LRRC7: variants seen among roughly 807,000 people sequenced by gnomAD.
LRRC7 encodes the protein leucine rich repeat containing 7.
A neutral mutation model predicts 175.7 loss-of-function variants in LRRC7; 23 were observed. That is an observed-to-expected ratio of 0.13 (90% CI 0.09 to 0.19). The LOEUF is 0.19. Ranked by LOEUF, LRRC7 falls within the 10% of genes least tolerant of loss-of-function variation. The probability of loss-of-function intolerance (pLI) is 1.00; values close to 1 mark genes in which losing one functional copy is unlikely to be tolerated. For missense variants in LRRC7, 1,354 were observed against 1,904.7 expected (o/e 0.71, Z 5.38); for synonymous variants, 685 against 680.9 (o/e 1.01, Z -0.09).
At chr1:69,702,608 A>G (rs1314014279) in intron 2 of LRRC7, among the ~76,000 whole-genome samples, 2 of 152,156 alleles carry the variant, frequency 1.3e-5, no homozygotes, top group African/African-American at 4.8e-5. Flanking sequence ...CATTAAGACT[A>G]ACTTTTTAAT....
At chr1:69,630,991 T>C (rs575474964) in intron 1 of LRRC7, among the ~76,000 whole-genome samples, 11 of 152,256 alleles carry the variant, frequency 7.2e-5, no homozygotes, top group African/African-American at 2.6e-4. Context: ...TTTGAGGAAA[T>C]TGTGTACATT....
chr1:69,817,721 G>A (rs1031849878), intron 4 of LRRC7, among the ~76,000 whole-genome samples: 5 of 152,084 alleles, frequency 3.3e-5, no homozygotes, highest in African/African-American at 9.7e-5. Flanking sequence ...ACTTTGGGTA[G>A]TGTGGAATTT....
chr1:69,612,417 A>T (rs993321096), intron 1 of LRRC7, among the ~76,000 whole-genome samples: 12 of 152,200 alleles, frequency 7.9e-5, no homozygotes, highest in African/African-American at 2.9e-4. Context: ...AAAGACAATT[A>T]GGTTACTGGA....
intron 1 of LRRC7, among the ~76,000 whole-genome samples, chr1:69,639,294 G>A (rs1653849814): frequency 6.6e-6 from 1 of 151,638 alleles, no homozygotes; most frequent in Non-Finnish European, 1.5e-5. Context: ...GTATTGTTCT[G>A]TCATGACTCA....
At chr1:69,661,515 TA>T (rs1657471568) in intron 1 of LRRC7, among the ~76,000 whole-genome samples, 1 of 152,190 alleles carries the variant, frequency 6.6e-6, no homozygotes, top group South Asian at 2.1e-4. Flanking sequence ...TCATTTATTT[TA>T]AAAAATGCTG....
At chr1:70,064,648 G>A (rs1661834954) in intron 23 of LRRC7, among the ~76,000 whole-genome samples, 1 of 151,612 alleles carries the variant, frequency 6.6e-6, no homozygotes, top group African/African-American at 2.4e-5. Flanking sequence ...TTTTGTTGTT[G>A]TTGTTGTTGT....
chr1:70,116,451 G>A lies in LRRC7; in HGVS notation c.4621-5329G>A, dbSNP rs574745005. The stretch of plus-strand genomic sequence containing the variant: ...AGTCCCAGCTACTCGGGAGGCTGAG[G>A]CGGGAGAATGGCGTGAGCCCGGGAG... On this transcript the variant is annotated intron_variant, in intron 26 of 26. Coordinates refer to ENST00000651989, the MANE Select transcript of LRRC7 (RefSeq NM_001370785.2). 2.0e-5 allele frequency among the ~76,000 whole-genome samples: 3 copies of A among 152,140 alleles called. No homozygotes were observed. The East Asian group carries it at 5.8e-4, about 30-fold the overall frequency.
Position 69,683,012 on chromosome 1 carries a change from C to T in LRRC7, c.100+4534C>T, listed in dbSNP as rs990658882. On this transcript the variant is annotated intron_variant, in intron 2 of 26. Coordinates refer to ENST00000651989, the MANE Select transcript of LRRC7 (RefSeq NM_001370785.2). ...CACAAATTGATGTCTCTAGACCAAACGTCTCTCTGTTCATCCCAATGTGCA... is the reference window on the plus strand; with the variant it reads ...CACAAATTGATGTCTCTAGACCAAATGTCTCTCTGTTCATCCCAATGTGCA... Among the ~76,000 whole-genome samples the T allele has an allele frequency of 3.9e-5, 6 of 152,136 alleles. No individual in the cohort carries two copies. The South Asian group carries it at 8.3e-4, about 21-fold the overall frequency.
intron 9 of LRRC7, among the ~76,000 whole-genome samples, chr1:69,981,206 T>G (rs1653393915): frequency 6.6e-6 from 1 of 152,140 alleles, no homozygotes; most frequent in South Asian, 2.1e-4. Context: ...CTGGCATTGG[T>G]CTAAGTAGCC....
chr1:69,633,039 T>G (rs187604131), intron 1 of LRRC7, among the ~76,000 whole-genome samples: 2 of 152,178 alleles, frequency 1.3e-5, no homozygotes, highest in Admixed American at 6.5e-5. Context: ...GAAAACTTGT[T>G]AAGTCTTTCT....
chr1:69,914,117 G>A (rs972509517), intron 7 of LRRC7, among the ~76,000 whole-genome samples: 5 of 152,230 alleles, frequency 3.3e-5, no homozygotes, highest in African/African-American at 1.2e-4. Flanking sequence ...GCCATGAATA[G>A]CCAGTAATTG....
At chr1:69,785,899 T>A (rs1674356558) in intron 3 of LRRC7, among the ~76,000 whole-genome samples, 1 of 152,148 alleles carries the variant, frequency 6.6e-6, no homozygotes, top group African/African-American at 2.4e-5. Flanking sequence ...AAAAAGACCT[T>A]CTTACCGTGT....
chr1:70,030,376 T>G (rs1327627552), intron 18 of LRRC7, among the ~76,000 whole-genome samples: 1 of 152,190 alleles, frequency 6.6e-6, no homozygotes, highest in Non-Finnish European at 1.5e-5. Context: ...CACTGGTAAT[T>G]TCAATACTTT....
intron 7 of LRRC7, among the ~76,000 whole-genome samples, chr1:69,855,823 A>C (rs548172638): frequency 2.2e-4 from 33 of 152,278 alleles, no homozygotes; most frequent in Non-Finnish European, 3.8e-4. Context: ...TATTGGGTGC[A>C]TACATGTTTA....
intron 3 of LRRC7, among the ~76,000 whole-genome samples, chr1:69,766,377 C>G (rs1044403094): frequency 6.6e-6 from 1 of 152,078 alleles, no homozygotes; most frequent in Non-Finnish European, 1.5e-5. Context: ...TAGATATTTT[C>G]AATCCTCTAA....
At chr1:69,589,045 T>C (rs2100947759) in intron 1 of LRRC7, among the ~76,000 whole-genome samples, 1 of 147,500 alleles carries the variant, frequency 6.8e-6, no homozygotes, top group East Asian at 2.0e-4. Flanking sequence ...AATATACATT[T>C]TTAGTTCAAT....
At chr1:69,782,503 T>G (rs1673881672) in intron 3 of LRRC7, among the ~76,000 whole-genome samples, 1 of 152,074 alleles carries the variant, frequency 6.6e-6, no homozygotes, top group South Asian at 2.1e-4. Context: ...AGCTGGAGAC[T>G]GGTATTTGTA....
At position 69,778,933 on chromosome 1, in the gene LRRC7, T is replaced by C. The variant is rs180969624; in HGVS notation, c.304-13110T>C. On this transcript the variant is annotated intron_variant, in intron 3 of 26. Transcript: ENST00000651989. ...ACACACATACACACACACACTCATA[T>C]ATATACACATATATACACACACACA... Among the ~76,000 whole-genome samples, 215 of 143,840 alleles carry C rather than the reference T, an allele frequency of 1.5e-3. 3 individuals carry two copies. The highest frequency in any genetic ancestry group is 9.5e-3 in the Admixed American group (137 of 14,404). 94.4% of individuals were successfully genotyped at this position (143,840 alleles called of 152,430 possible). A position where few individuals can be genotyped will look rare whatever the true frequency, so the allele number is the denominator to read the frequency against.
intron 1 of LRRC7, among the ~76,000 whole-genome samples, chr1:69,672,025 A>G (rs1359280820): frequency 1.3e-5 from 2 of 152,116 alleles, no homozygotes; most frequent in Admixed American, 6.5e-5. Context: ...TTTTTTTATT[A>G]TACTTTAAGT....
Sources: gnomAD v4.1 joint callset for allele counts (sites outside exome capture counted in the v4.1 genomes callset) on GRCh38, gnomAD v4.1.1 for gene constraint, MANE v1.5 for transcripts, NCBI Gene and HGNC (gene_info 2026-07-23, HGNC 2026-07-21) for gene names.